The following MLX variants were observed in gnomAD, a reference collection of about 807,000 sequenced individuals.
MLX encodes MAX dimerization protein MLX, also known as max-like protein X.
MLX carries 15 observed loss-of-function variants against 33.0 expected under a neutral mutation model. The observed-to-expected ratio is 0.45, with a 90% confidence interval of 0.30 to 0.70. The LOEUF is 0.70. Ranked by LOEUF, MLX falls within the 30% of genes least tolerant of loss-of-function variation. The pLI is 0.07. For missense variants in MLX, 285 were observed against 306.3 expected (o/e 0.93, Z 0.52); for synonymous variants, 115 against 115.6 (o/e 0.99, Z 0.03).
chr17:42,570,641 TTTC>T (rs2093027081), intron 7 of MLX, among the ~76,000 whole-genome samples: 1 of 152,184 alleles, frequency 6.6e-6, no homozygotes, highest in African/African-American at 2.4e-5. Flanking sequence ...GTGTCTGAGA[TTTC>T]TTGTTTGTTT....
chr17:42,569,508 C>A lies in MLX; in HGVS notation c.378C>A (p.Thr126=). Residue 126 remains threonine, a splice_region_variant and synonymous_variant, in exon 6 of 8, where the codon ACC becomes ACA. Coordinates refer to ENST00000435881, the MANE Select transcript of MLX (RefSeq NM_198204.2). The part of the protein sequence containing the change: ...KLSKAIVLQK[T]IDYIQFLHKE... ...CTTTTTTTCTTGCCCCCACCCTAGC[C>A]ATTGACTACATTCAGTTTTTGCACA... The A allele has an allele frequency of 6.2e-7, 1 of 1,613,550 alleles. No homozygotes were observed. Among genetic ancestry groups the A allele is most frequent in the Middle Eastern group, 1.6e-4 (1 of 6,062 alleles).
rs759737992 is a variant in MLX at position 42,568,935 on chromosome 17, G to A, written c.268G>A (p.Ala90Thr). The A allele has an allele frequency of 1.9e-6, 3 of 1,607,602 alleles. No individual in the cohort carries two copies. Among genetic ancestry groups the A allele is most frequent in the Non-Finnish European group, 8.5e-7 (1 of 1,176,694 alleles). Residue 90 changes from alanine (A) to threonine (T), a missense_variant, in exon 4 of 8, where the codon GCC becomes ACC. Transcript: ENST00000435881. ...HTQAEQKRRD[A>T]IKRGYDDLQT... is the part of the protein sequence containing the mutation. Reference sequence around the variant, plus strand: ...TCAGGCTGAGCAGAAGAGGAGGGACGCCATCAAGGTGAACAGGGAGGCCTG... The same window carrying A: ...TCAGGCTGAGCAGAAGAGGAGGGACACCATCAAGGTGAACAGGGAGGCCTG...
At chr17:42,569,887 G>A (rs1210125175) in intron 6 of MLX, 95 bp from the exon 7 acceptor site, 1 of 1,216,338 alleles carries the variant, frequency 8.2e-7, no homozygotes, top group Non-Finnish European at 1.2e-6. Flanking sequence ...GCTCTCTGGG[G>A]CTGCCATTCC....
chr17:42,571,560 TTG>T lies in MLX; in HGVS notation c.695_696del (p.Val232AspfsTer28), dbSNP rs1567910000. 1 of 1,614,156 alleles carries T rather than the reference TTG, an allele frequency of 6.2e-7. No individual in the cohort carries two copies. ...TGCCCTCGCCAGACCCTGCGGGAGA[TTG>T]TGATTGGCGTCCTGCACCAATTGAA... On this transcript the variant is annotated frameshift_variant, in exon 8 of 8. Transcript: ENST00000435881. LOFTEE classifies it high-confidence loss of function.
Position 42,569,967 on chromosome 17 carries a change from C to G in MLX, c.477-15C>G. 1 of 1,612,512 alleles carries G rather than the reference C, an allele frequency of 6.2e-7. No individual in the cohort carries two copies. Among genetic ancestry groups the G allele is most frequent in the Non-Finnish European group, 8.5e-7 (1 of 1,179,380 alleles). ...AGCTGCTGCAGCACCTCAGCCCTGGCCTGCATGCTTTTAGGAACTATGAGC... is the reference window on the plus strand; with the variant it reads ...AGCTGCTGCAGCACCTCAGCCCTGGGCTGCATGCTTTTAGGAACTATGAGC... On this transcript the variant is annotated splice_polypyrimidine_tract_variant and intron_variant, in intron 6 of 7. Transcript: ENST00000435881.
At chr17:42,569,454 T>C in intron 5 of MLX, 53 bp from the exon 6 acceptor site, 1 of 1,545,968 alleles carries the variant, frequency 6.5e-7, no homozygotes, top group Non-Finnish European at 8.9e-7. Flanking sequence ...AGCCTTATCT[T>C]CTTGGTTGAG....
At chr17:42,570,739 T>G (rs990678836) in intron 7 of MLX, among the ~76,000 whole-genome samples, 6 of 152,130 alleles carry the variant, frequency 3.9e-5, no homozygotes, top group African/African-American at 1.4e-4. Context: ...CACTGCAACC[T>G]CCGCCTCCCG....
At chr17:42,567,872 T>A (rs1232216825) in intron 2 of MLX, 2 of 608,018 alleles carry the variant, frequency 3.3e-6, no homozygotes, top group Non-Finnish European at 2.9e-6. Context: ...AACTGATCAC[T>A]CACCACTCAG....
At position 42,572,383 on chromosome 17, in the gene MLX, T is replaced by C. The variant is rs1278467662; in HGVS notation, c.*780T>C. ...ACGGTTACAATTTTGAAATATTAAC[T>C]GAGCCTCAAAATCACCCTTTCTGTC... On this transcript the variant is annotated 3_prime_UTR_variant, in exon 8 of 8. Coordinates refer to ENST00000435881, the MANE Select transcript of MLX (RefSeq NM_198204.2). 2.2e-6 allele frequency: 1 copy of C among 454,694 alleles called. No individual in the cohort carries two copies. The highest frequency in any genetic ancestry group is 1.6e-5 in the South Asian group (1 of 64,470). 28.2% of individuals were successfully genotyped at this position (454,694 alleles called of 1,614,324 possible).
intron 1 of MLX, chr17:42,567,388 TA>T (rs2093012356): frequency 1.4e-6 from 2 of 1,389,016 alleles, no homozygotes; most frequent in Non-Finnish European, 1.9e-6. Flanking sequence ...TGGGGTGGAG[TA>T]GGGGCGGAAG....
At chr17:42,567,396 G>T in intron 1 of MLX, 2 of 1,413,830 alleles carry the variant, frequency 1.4e-6, no homozygotes, top group Non-Finnish European at 9.3e-7. Context: ...AGTAGGGGCG[G>T]AAGGGATCAT....
At chr17:42,567,357 C>T in intron 1 of MLX, 191 bp downstream of exon 1, 1 of 1,402,136 alleles carries the variant, frequency 7.1e-7, no homozygotes, top group Non-Finnish European at 9.3e-7. Flanking sequence ...CGTGTGCGCG[C>T]GAGTCGGGGG....
chr17:42,572,715 C>T lies in MLX; in HGVS notation c.*1112C>T, dbSNP rs537081922. ...AATATTGCCAAATGCTTTCCTTTAGCATTGTTCCAAGTCTAAATGTTAACC... is the reference window on the plus strand; with the variant it reads ...AATATTGCCAAATGCTTTCCTTTAGTATTGTTCCAAGTCTAAATGTTAACC... On this transcript the variant is annotated 3_prime_UTR_variant, in exon 8 of 8. Coordinates refer to ENST00000435881, the MANE Select transcript of MLX (RefSeq NM_198204.2). 1.7e-6 allele frequency: 1 copy of T among 599,264 alleles called. No individual in the cohort carries two copies. The highest frequency in any genetic ancestry group is 3.7e-5 in the East Asian group (1 of 26,910). The allele number at this position is 599,264 out of a possible 1,614,324, so 37.1% of individuals were successfully genotyped here.
At position 42,572,212 on chromosome 17, in the gene MLX, T is replaced by G. The variant is rs888767006; in HGVS notation, c.*609T>G. The G allele has an allele frequency of 1.1e-5, 4 of 370,014 alleles. No homozygotes were observed. The highest frequency in any genetic ancestry group is 2.1e-5 in the Non-Finnish European group (4 of 188,842). The allele number at this position is 370,014 out of a possible 1,614,324, so 22.9% of individuals were successfully genotyped here. On this transcript the variant is annotated 3_prime_UTR_variant, in exon 8 of 8. Coordinates refer to ENST00000435881, the MANE Select transcript of MLX (RefSeq NM_198204.2). ...ACCAGGTTCCTCCCCTCACCCCATA[T>G]TCCATCACCTTCCTCCTCTGCTCTG...
Position 42,568,831 on chromosome 17 carries a change from G to A in MLX, c.170-6G>A. On this transcript the variant is annotated splice_region_variant and splice_polypyrimidine_tract_variant and intron_variant, in intron 3 of 7. Transcript: ENST00000435881. ...GACCTTTCCCTGCCCCCATCTCTGA[G>A]CGTAGATGATGAGGACAGTGATTAC... 3 of 1,598,600 alleles carry A rather than the reference G, an allele frequency of 1.9e-6. No individual in the cohort carries two copies. The highest frequency in any genetic ancestry group is 2.6e-6 in the Non-Finnish European group (3 of 1,170,556).
chr17:42,569,014 C>G, intron 4 of MLX, 71 bp downstream of exon 4: 1 of 1,488,874 alleles, frequency 6.7e-7, no homozygotes, highest in Non-Finnish European at 9.2e-7. Flanking sequence ...TGTGCCCTGA[C>G]CCACTCAGAC....
At chr17:42,571,314 A>G (rs1409012025) in intron 7 of MLX, among the ~76,000 whole-genome samples, 1 of 151,982 alleles carries the variant, frequency 6.6e-6, no homozygotes, top group East Asian at 1.9e-4. Context: ...TTGTATTTTT[A>G]GTAGAGACGG....
rs984264960 is a variant in MLX, at chr17:42,572,361, G to A, written c.*758G>A. On this transcript the variant is annotated 3_prime_UTR_variant, in exon 8 of 8. Coordinates refer to ENST00000435881, the MANE Select transcript of MLX (RefSeq NM_198204.2). ...TAAATACCAATGCAGTTTTGCTACGGTTACAATTTTGAAATATTAACTGAG... is the reference window on the plus strand; with the variant it reads ...TAAATACCAATGCAGTTTTGCTACGATTACAATTTTGAAATATTAACTGAG... 8.8e-6 allele frequency: 4 copies of A among 454,360 alleles called. No homozygotes were observed. Among genetic ancestry groups the A allele is most frequent in the Non-Finnish European group, 1.8e-5 (4 of 226,712 alleles). 28.1% of individuals were successfully genotyped at this position (454,360 alleles called of 1,614,324 possible). A position where few individuals can be genotyped will look rare whatever the true frequency, so the allele number is the denominator to read the frequency against.
intron 2 of MLX, chr17:42,567,923 C>T (rs535208800): frequency 4.1e-4 from 226 of 554,622 alleles, no homozygotes; most frequent in African/African-American, 3.9e-3. Context: ...CGTCCACATG[C>T]CCGTTTGTGA....
Sources: gnomAD v4.1 joint callset for allele counts (sites outside exome capture counted in the v4.1 genomes callset) on GRCh38, gnomAD v4.1.1 for gene constraint, MANE v1.5 for transcripts, NCBI Gene and HGNC (gene_info 2026-07-23, HGNC 2026-07-21) for gene names.